The following PTPRT variants were observed in gnomAD, a reference collection of about 807,000 sequenced individuals.
The protein encoded by PTPRT is protein tyrosine phosphatase receptor type T.
PTPRT carries 56 observed loss-of-function variants against 176.8 expected under a neutral mutation model. The observed-to-expected ratio is 0.32, with a 90% CI of 0.26 to 0.40. PTPRT has a LOEUF of 0.40. Among genes scored for constraint, PTPRT ranks in the 10% least tolerant of loss-of-function variants. The pLI, the probability that PTPRT is intolerant of heterozygous loss-of-function variation, is 1.00. For missense variants in PTPRT, 1,540 were observed against 1,908.2 expected, an observed-to-expected ratio of 0.81 and a Z score of 3.60; for synonymous variants, 783 against 739.0, an observed-to-expected ratio of 1.06 and a Z score of -0.96.
At chr20:42,564,232 G>C (rs1339778474) in intron 7 of PTPRT, among the ~76,000 whole-genome samples, 2 of 152,206 alleles carry the variant, frequency 1.3e-5, no homozygotes, top group Admixed American at 6.5e-5. Context: ...GATTAGGTCT[G>C]GCTAGAAATA....
intron 15 of PTPRT, among the ~76,000 whole-genome samples, chr20:42,229,757 G>C (rs898654700): frequency 6.6e-6 from 1 of 152,140 alleles, no homozygotes; most frequent in Non-Finnish European, 1.5e-5. Context: ...TGAGTGGCTT[G>C]TTCAGGTCAC....
rs1044793655 is a variant in PTPRT at position 42,236,562 on chromosome 20, G to A, written c.2313-304C>T. Among the ~76,000 whole-genome samples, 16 of 151,152 alleles carry A rather than the reference G, an allele frequency of 1.1e-4. 1 individual carries two copies. Among genetic ancestry groups the A allele is most frequent in the African/African-American group, 3.9e-4 (16 of 41,084 alleles). ...AGTTGGTTCAAAGTTCTTCCTTATG[G>A]TCAACCAAAACTAGATTCCTTGTAA... On this transcript the variant is annotated intron_variant, in intron 14 of 30. Transcript: ENST00000373187.
intron 1 of PTPRT, among the ~76,000 whole-genome samples, chr20:43,136,367 C>T (rs749152029): frequency 2.0e-4 from 30 of 152,210 alleles, no homozygotes; most frequent in Non-Finnish European, 3.4e-4. Flanking sequence ...AAGCCCAGCA[C>T]ATAGTAGGTG....
intron 7 of PTPRT, among the ~76,000 whole-genome samples, chr20:42,518,944 T>A (rs1350516456): frequency 6.6e-6 from 1 of 152,164 alleles, no homozygotes; most frequent in East Asian, 1.9e-4. Context: ...ATGTACATGC[T>A]GTTGTGAGAA....
At chr20:42,924,016 T>C (rs905652372) in intron 1 of PTPRT, among the ~76,000 whole-genome samples, 3 of 151,990 alleles carry the variant, frequency 2.0e-5, no homozygotes, top group Non-Finnish European at 4.4e-5. Flanking sequence ...GGCTAATTTT[T>C]GGTATTTTTA....
chr20:42,048,728 T>G, the PTPRT span, among the ~76,000 whole-genome samples: 1 of 152,216 alleles, frequency 6.6e-6, no homozygotes, highest in Non-Finnish European at 1.5e-5. Flanking sequence ...TGAAGGGGTA[T>G]GACAAGTCAT....
chr20:42,681,163 C>G (rs2075596746), intron 6 of PTPRT, among the ~76,000 whole-genome samples: 1 of 152,150 alleles, frequency 6.6e-6, no homozygotes, highest in African/African-American at 2.4e-5. Flanking sequence ...AATACATAGA[C>G]AAACCCTATC....
chr20:42,717,105 A>G (rs1034844741), intron 6 of PTPRT, among the ~76,000 whole-genome samples: 3 of 151,930 alleles, frequency 2.0e-5, no homozygotes, highest in Non-Finnish European at 2.9e-5. Context: ...GTTAATGGGT[A>G]CAGCACACCA....
chr20:42,911,976 CTTTT>C (rs11475084), intron 1 of PTPRT, among the ~76,000 whole-genome samples: 2 of 124,316 alleles, frequency 1.6e-5, no homozygotes, highest in Non-Finnish European at 1.7e-5. Context: ...ATCCTCTTTT[CTTTT>C]TTTTTTTTTT....
At chr20:42,110,532 A>G (rs576343102) in intron 22 of PTPRT, 45 bp from the exon 23 acceptor site, 5 of 1,546,548 alleles carry the variant, frequency 3.2e-6, no homozygotes, top group East Asian at 4.5e-5. Context: ...CTGCCCTCGC[A>G]TACCCAGCCC....
chr20:42,960,573 G>T (rs147160715), intron 1 of PTPRT, among the ~76,000 whole-genome samples: 7 of 152,072 alleles, frequency 4.6e-5, no homozygotes, highest in Non-Finnish European at 1.5e-5. Flanking sequence ...TCATGTAGTC[G>T]CATTAATAGA....
chr20:42,399,556 G>A (rs1397995260), intron 9 of PTPRT, among the ~76,000 whole-genome samples: 4 of 152,214 alleles, frequency 2.6e-5, no homozygotes, highest in Non-Finnish European at 5.9e-5. Context: ...TGATTTCAAT[G>A]GGATAGGCCT....
At chr20:42,109,757 G>GTAAA (rs1376199492) in intron 23 of PTPRT, among the ~76,000 whole-genome samples, 1 of 152,216 alleles carries the variant, frequency 6.6e-6, no homozygotes, top group East Asian at 1.9e-4. Context: ...TGGACGAGAA[G>GTAAA]TAAATAATGT....
intron 12 of PTPRT, among the ~76,000 whole-genome samples, chr20:42,297,088 G>T (rs1203026673): frequency 6.6e-6 from 1 of 152,036 alleles, no homozygotes; most frequent in African/African-American, 2.4e-5. Flanking sequence ...AAATAATAAA[G>T]ATATAGTAGT....
chr20:42,973,705 C>T (rs1982787004), intron 1 of PTPRT, among the ~76,000 whole-genome samples: 1 of 152,156 alleles, frequency 6.6e-6, no homozygotes, highest in African/African-American at 2.4e-5. Flanking sequence ...CGGCTAAAGC[C>T]TCAAAGAGTA....
At chr20:42,060,798 C>T in the PTPRT span, among the ~76,000 whole-genome samples, 1 of 152,190 alleles carries the variant, frequency 6.6e-6, no homozygotes, top group Non-Finnish European at 1.5e-5. Context: ...TGTAACCCTA[C>T]CCTGTTTCAA....
chr20:43,068,629 T>TAAGAGC (rs547052852), intron 1 of PTPRT, among the ~76,000 whole-genome samples: 4 of 152,016 alleles, frequency 2.6e-5, no homozygotes, highest in South Asian at 2.1e-4. Context: ...GACTGAGATT[T>TAAGAGC]AAGAGCAAGA....
intron 2 of PTPRT, among the ~76,000 whole-genome samples, chr20:42,878,156 C>T (rs1235534969): frequency 6.6e-6 from 1 of 152,162 alleles, no homozygotes; most frequent in Non-Finnish European, 1.5e-5. Context: ...AGAATACTCA[C>T]CGCAACATGA....
chr20:42,641,880 A>G (rs1044595275), intron 7 of PTPRT, among the ~76,000 whole-genome samples: 1 of 152,142 alleles, frequency 6.6e-6, no homozygotes, highest in African/African-American at 2.4e-5. Context: ...TCCCAGCTCT[A>G]TCTTGACTAT....
Sources: allele counts gnomAD v4.1 joint callset (sites outside exome capture counted in the v4.1 genomes callset), GRCh38; gene constraint gnomAD v4.1.1; transcripts MANE v1.5; gene names NCBI Gene and HGNC (gene_info 2026-07-23, HGNC 2026-07-21).